Variants in FAXC observed in about 807,000 individuals in gnomAD.
The protein encoded by FAXC is failed axon connections homolog.
In FAXC, 10 loss-of-function variants were observed where a neutral mutation model predicts 41.9. That is an observed-to-expected ratio of 0.24 (90% CI 0.15 to 0.41). The LOEUF is 0.41. Ranked by LOEUF, FAXC falls within the 10% of genes least tolerant of loss-of-function variation. The pLI, the probability that FAXC is intolerant of heterozygous loss-of-function variation, is 1.00. For synonymous variants in FAXC, 183 were observed against 183.8 expected (o/e 1.00, Z 0.03); for missense variants, 399 against 510.9 (o/e 0.78, Z 2.11).
chr6:99,318,995 AC>A (rs1772480204), intron 4 of FAXC, among the ~76,000 whole-genome samples: 1 of 152,164 alleles, frequency 6.6e-6, no homozygotes, highest in African/African-American at 2.4e-5. Context: ...TCAGAAATAA[AC>A]AGTGTATGTA....
At chr6:99,288,529 G>C (rs1457853456) in intron 5 of FAXC, among the ~76,000 whole-genome samples, 1 of 152,174 alleles carries the variant, frequency 6.6e-6, no homozygotes, top group Non-Finnish European at 1.5e-5. Context: ...TATGGAAAAT[G>C]TGATTAAATT....
intron 4 of FAXC, 60 bp downstream of exon 4, chr6:99,323,384 T>C: frequency 6.9e-7 from 1 of 1,444,246 alleles, no homozygotes; most frequent in Non-Finnish European, 9.6e-7. Flanking sequence ...CAACAGTGTT[T>C]TACTAATCAT....
intron 2 of FAXC, among the ~76,000 whole-genome samples, chr6:99,335,476 T>C (rs1773182507): frequency 6.6e-6 from 1 of 152,216 alleles, no homozygotes; most frequent in Non-Finnish European, 1.5e-5. Flanking sequence ...ATTGCTTCCT[T>C]AAACCTTTCG....
intron 2 of FAXC, among the ~76,000 whole-genome samples, chr6:99,340,276 T>G (rs973918509): frequency 7.9e-5 from 12 of 151,956 alleles, no homozygotes; most frequent in African/African-American, 2.9e-4. Context: ...AATTTTTGTA[T>G]TTTTAATAGA....
At position 99,289,715 on chromosome 6, in the gene FAXC, GTGTGTA is replaced by G. The variant is rs748273336; in HGVS notation, c.940+1983_940+1988del. 5.0e-3 allele frequency among the ~76,000 whole-genome samples: 658 copies of G among 130,848 alleles called. 7 individuals carry two copies. The highest frequency in any genetic ancestry group is 0.017 in the African/African-American group (575 of 33,388). 85.8% of individuals were successfully genotyped at this position (130,848 alleles called of 152,430 possible). On this transcript the variant is annotated intron_variant, in intron 5 of 5. Coordinates refer to ENST00000389677, the MANE Select transcript of FAXC (RefSeq NM_032511.4). The stretch of plus-strand genomic sequence containing the variant: ...TGTGTGTGTGTGTGTGTGTGTGTGT[GTGTGTA>G]TATATATATATAGTCCAAAATGCAC...
Position 99,278,715 on chromosome 6 carries a change from G to A in FAXC, c.*2449C>T, listed in dbSNP as rs1271467922. ...TAAATCAAATTAACACCTACAAAAT[G>A]TTGATGCCCAGTTATATGCTGTCAG... On this transcript the variant is annotated 3_prime_UTR_variant, in exon 6 of 6. Transcript: ENST00000389677. 6.6e-6 allele frequency: 1 copy of A among 152,168 alleles called. No homozygotes were observed. Among genetic ancestry groups the A allele is most frequent in the African/African-American group, 2.4e-5 (1 of 41,434 alleles). The allele number at this position is 152,168 out of a possible 1,614,324, so 9.4% of individuals were successfully genotyped here.
chr6:99,304,248 T>C (rs1034645369), intron 4 of FAXC, among the ~76,000 whole-genome samples: 1 of 151,838 alleles, frequency 6.6e-6, no homozygotes, highest in African/African-American at 2.4e-5. Flanking sequence ...ATTGCACCAT[T>C]GCACTCCAGC....
chr6:99,343,777 C>T (rs1301332677), intron 1 of FAXC, among the ~76,000 whole-genome samples: 1 of 152,150 alleles, frequency 6.6e-6, no homozygotes, highest in South Asian at 2.1e-4. Context: ...CCTCACCTAA[C>T]CCTTCTTTCA....
At chr6:99,305,977 T>TA (rs1170720821) in intron 4 of FAXC, among the ~76,000 whole-genome samples, 1 of 151,734 alleles carries the variant, frequency 6.6e-6, no homozygotes, top group Non-Finnish European at 1.5e-5. Flanking sequence ...ATCAATCAAT[T>TA]AAAAAAAGCA....
chr6:99,282,748 T>C (rs1291953667), intron 5 of FAXC, among the ~76,000 whole-genome samples: 1 of 121,340 alleles, frequency 8.2e-6, no homozygotes, highest in Admixed American at 9.2e-5. Context: ...ATTTGAGTTA[T>C]ATAAACATTC....
chr6:99,348,804 G>C (rs1171167209), intron 1 of FAXC, among the ~76,000 whole-genome samples: 1 of 152,176 alleles, frequency 6.6e-6, no homozygotes, highest in Non-Finnish European at 1.5e-5. Flanking sequence ...CAATTCTATT[G>C]TTGCAAACAC....
chr6:99,284,003 C>T (rs1270331246), intron 5 of FAXC: 1 of 152,180 alleles, frequency 6.6e-6, no homozygotes, highest in African/African-American at 2.4e-5. Context: ...GATCATGTGA[C>T]ATTAATACCA....
At chr6:99,336,872 G>T (rs1773237201) in intron 2 of FAXC, among the ~76,000 whole-genome samples, 1 of 152,134 alleles carries the variant, frequency 6.6e-6, no homozygotes, top group South Asian at 2.1e-4. Context: ...TTGATATACT[G>T]GCCAGAATAC....
At chr6:99,346,199 G>A (rs1191138148) in intron 1 of FAXC, among the ~76,000 whole-genome samples, 1 of 152,140 alleles carries the variant, frequency 6.6e-6, no homozygotes, top group Non-Finnish European at 1.5e-5. Flanking sequence ...CTTAAGTGGA[G>A]GTAGTTATCA....
chr6:99,283,817 A>G (rs183307161), intron 5 of FAXC, among the ~76,000 whole-genome samples: 105 of 152,340 alleles, frequency 6.9e-4, no homozygotes, highest in African/African-American at 2.4e-3. Context: ...ACTTCACAGT[A>G]GGACCTGGGG....
chr6:99,339,598 G>A (rs1348309538), intron 2 of FAXC, among the ~76,000 whole-genome samples: 1 of 152,198 alleles, frequency 6.6e-6, no homozygotes, highest in Non-Finnish European at 1.5e-5. Flanking sequence ...ATGGATAAAG[G>A]AAGAGATTAC....
chr6:99,322,992 G>A (rs1476070652), intron 4 of FAXC, among the ~76,000 whole-genome samples: 1 of 152,184 alleles, frequency 6.6e-6, no homozygotes, highest in Non-Finnish European at 1.5e-5. Context: ...CATATACAGG[G>A]AATGGATCAG....
chr6:99,304,402 A>G (rs1771833271), intron 4 of FAXC, among the ~76,000 whole-genome samples: 1 of 152,164 alleles, frequency 6.6e-6, no homozygotes, highest in African/African-American at 2.4e-5. Flanking sequence ...GGACCAAGAA[A>G]AAAATTGTCC....
intron 5 of FAXC, 107 bp from the exon 6 acceptor site, chr6:99,281,560 T>A: frequency 5.5e-6 from 5 of 901,146 alleles, no homozygotes; most frequent in Non-Finnish European, 8.7e-6. Flanking sequence ...TGACTCCCAA[T>A]GTGATGGTCT....
Sources: allele counts gnomAD v4.1 joint callset (sites outside exome capture counted in the v4.1 genomes callset), GRCh38; gene constraint gnomAD v4.1.1; transcripts MANE v1.5; gene names NCBI Gene and HGNC (gene_info 2026-07-23, HGNC 2026-07-21).